CCDC42: variants seen among roughly 807,000 people sequenced by gnomAD.
CCDC42 encodes coiled-coil domain containing 42, also known as coiled-coil domain-containing protein 42.
CCDC42 carries 38 observed loss-of-function variants against 40.8 expected under a neutral mutation model. The ratio of observed to expected loss-of-function variants is 0.93; its 90% CI spans 0.72 to 1.22. CCDC42 has a LOEUF of 1.22. Among genes scored for constraint, CCDC42 ranks in the 50% most tolerant of loss-of-function variants. CCDC42 has a pLI of 0.00. For missense variants in CCDC42, 379 were observed against 416.5 expected, an observed-to-expected ratio of 0.91 and a Z score of 0.78; for synonymous variants, 135 against 157.5, an observed-to-expected ratio of 0.86 and a Z score of 1.07.
intron 4 of CCDC42, 22 bp downstream of exon 4, chr17:8,741,452 C>T: frequency 1.2e-6 from 2 of 1,607,366 alleles, no homozygotes; most frequent in Non-Finnish European, 1.7e-6. Flanking sequence ...CCAGGGCCGG[C>T]CCCCCTGCTC....
chr17:8,738,108 G>A (rs1305609482), intron 4 of CCDC42, among the ~76,000 whole-genome samples: 56 of 152,174 alleles, frequency 3.7e-4, no homozygotes, highest in Admixed American at 3.7e-3. Context: ...TTACAGGCAT[G>A]AGCCACCACG....
In CCDC42 at chr17:8,735,538, G is replaced by A. The variant is rs1448085997; in HGVS notation, c.566C>T (p.Ala189Val). 3 of 1,613,924 alleles carry A rather than the reference G, an allele frequency of 1.9e-6. No homozygotes were observed. Among genetic ancestry groups the A allele is most frequent in the East Asian group, 2.2e-5 (1 of 44,884 alleles). ...CTCAATCTTCTCCTGGCCTTCCTGC[G>A]CAGACTGCATGAGGTCGTGGCGCAT... is the stretch of plus-strand genomic sequence containing the variant. ...VSMRHDLMQS[A>V]QEGQEKIERA... Residue 189 changes from alanine to valine, a missense_variant, in exon 5 of 7, where the codon GCG becomes GTG. Coordinates refer to ENST00000293845, the MANE Select transcript of CCDC42 (RefSeq NM_144681.3). This position sits in a 1 kb window ranked among gnomAD's most constrained non-coding sequence, Gnocchi z 4.7.
intron 4 of CCDC42, among the ~76,000 whole-genome samples, chr17:8,739,327 G>C (rs2086628407): frequency 6.6e-6 from 1 of 152,204 alleles, no homozygotes; most frequent in Non-Finnish European, 1.5e-5. Context: ...GTTCTGGCGG[G>C]GCTGTGAGTG....
At position 8,735,115 on chromosome 17, in the gene CCDC42, G is replaced by C. The variant is rs762914315; in HGVS notation, c.854C>G (p.Thr285Ser). The C allele has an allele frequency of 6.2e-7, 1 of 1,614,042 alleles. No individual in the cohort carries two copies. The change falls in exon 6 of 7, where the codon ACC becomes AGC. Residue 285 changes from threonine to serine, a missense_variant. Thr to Ser is a moderately conservative substitution (Grantham distance 58). Transcript: ENST00000293845. This position sits in a 1 kb window ranked among gnomAD's most constrained non-coding sequence, Gnocchi z 4.7. ...KEVTEVALED[T>S]HKQLDMIQQF... ...TCCTACCATGTCCAGCTGCTTGTGGGTGTCCTCCAGTGCCACCTCAGTCAC... is the reference window on the plus strand; with the variant it reads ...TCCTACCATGTCCAGCTGCTTGTGGCTGTCCTCCAGTGCCACCTCAGTCAC...
At chr17:8,741,412 C>T (rs1476456477) in intron 4 of CCDC42, 62 bp downstream of exon 4, 13 of 1,510,868 alleles carry the variant, frequency 8.6e-6, no homozygotes, top group Admixed American at 8.4e-5. Context: ...CCCCAGGCCC[C>T]GGGGAAGAGA....
intron 6 of CCDC42, among the ~76,000 whole-genome samples, chr17:8,730,475 G>T (rs1382596167): frequency 6.6e-6 from 1 of 152,188 alleles, no homozygotes; most frequent in Non-Finnish European, 1.5e-5. Context: ...GAGTGGCTGG[G>T]ATTACAGGTA....
chr17:8,740,550 A>G (rs951333187), intron 4 of CCDC42, among the ~76,000 whole-genome samples: 3 of 151,690 alleles, frequency 2.0e-5, no homozygotes, highest in African/African-American at 4.8e-5. Flanking sequence ...CCCACCACAC[A>G]AGAAGGAGCT....
chr17:8,744,161 G>A lies in CCDC42; in HGVS notation c.107C>T (p.Ala36Val), dbSNP rs143164438. 3.3e-5 allele frequency: 53 copies of A among 1,613,472 alleles called. No homozygotes were observed. Among genetic ancestry groups the A allele is most frequent in the Middle Eastern group, 3.3e-4 (2 of 6,084 alleles). Residue 36 changes from alanine (A) to valine (V), a missense_variant, in exon 2 of 7, where the codon GCG becomes GTG. Physicochemically the swap from Ala to Val is moderately conservative, Grantham distance 64. Transcript: ENST00000293845. ...TAGCCAGATGGATGGGGACTCCGAC[G>A]CCCCCTCAACATTGGGGAGTTTCCT... ...MLQKLPNVEGASESPSIWLLE... is the reference protein window; with the variant it reads ...MLQKLPNVEGVSESPSIWLLE...
rs145016058 is a variant in CCDC42, at chr17:8,743,679, C to A, written c.241G>T (p.Val81Phe). ...TLNLRWEELG[V>F]KEAQLKAHIQ... is the part of the protein sequence containing the mutation. ...TGAGCCTTCAGTTGGGCTTCCTTAA[C>A]GCCCAGTTCCTCCCAGCGCAGGTTC... Residue 81 changes from valine (V) to phenylalanine (F), a missense_variant, in exon 3 of 7, where the codon GTT (valine) becomes TTT (phenylalanine). By Grantham distance (50) the Val-to-Phe change is conservative (BLOSUM62 -1). Coordinates refer to ENST00000293845, the MANE Select transcript of CCDC42 (RefSeq NM_144681.3). 6.2e-7 allele frequency: 1 copy of A among 1,613,012 alleles called. No individual in the cohort carries two copies. Among genetic ancestry groups the A allele is most frequent in the Admixed American group, 1.7e-5 (1 of 60,018 alleles).
chr17:8,735,515 C>G lies in CCDC42; in HGVS notation c.589G>C (p.Glu197Gln). 6.2e-7 allele frequency: 1 copy of G among 1,614,120 alleles called. No homozygotes were observed. Among genetic ancestry groups the G allele is most frequent in the Non-Finnish European group, 8.5e-7 (1 of 1,180,046 alleles). Residue 197 changes from glutamate to glutamine, a missense_variant, in exon 5 of 7, where the codon GAG becomes CAG. Transcript: ENST00000293845. This position sits in a 1 kb window ranked among gnomAD's most constrained non-coding sequence, Gnocchi z 4.7. ...CGCGCCAGCCGGGCCTTGGCGCGCT[C>G]AATCTTCTCCTGGCCTTCCTGCGCA... ...QSAQEGQEKI[E>Q]RAKARLARYM...
At chr17:8,739,744 T>C (rs2086630585) in intron 4 of CCDC42, among the ~76,000 whole-genome samples, 1 of 152,186 alleles carries the variant, frequency 6.6e-6, no homozygotes, top group South Asian at 2.1e-4. Context: ...GGTTTCACCA[T>C]GTTGGCCACA....
At chr17:8,740,824 G>A (rs796682567) in intron 4 of CCDC42, among the ~76,000 whole-genome samples, 11 of 152,268 alleles carry the variant, frequency 7.2e-5, no homozygotes, top group African/African-American at 2.4e-4. Flanking sequence ...GACGAGCTGC[G>A]AGACTCTGAA....
Position 8,735,141 on chromosome 17 carries a change from C to T in CCDC42, c.828G>A (p.Glu276=). 1.9e-6 allele frequency: 3 copies of T among 1,614,212 alleles called. No homozygotes were observed. Among genetic ancestry groups the T allele is most frequent in the Non-Finnish European group, 2.5e-6 (3 of 1,180,034 alleles). ...TGTCCTCCAGTGCCACCTCAGTCAC[C>T]TCCTTCAGGTGCTTGCTCACGATCT... ...LFQIVSKHLK[E]VTEVALEDTH... The change falls in exon 6 of 7, where the codon GAG becomes GAA. Residue 276 remains glutamate (E), a synonymous_variant. Coordinates refer to ENST00000293845, the MANE Select transcript of CCDC42 (RefSeq NM_144681.3). The surrounding 1 kb of genome is among the most constrained non-coding windows in gnomAD (Gnocchi z 4.7).
In CCDC42 at chr17:8,735,722, G is replaced by T; in HGVS notation, c.493-111C>A. 1 of 878,940 alleles carries T rather than the reference G, an allele frequency of 1.1e-6. No individual in the cohort carries two copies. Among genetic ancestry groups the T allele is most frequent in the Non-Finnish European group, 1.7e-6 (1 of 581,716 alleles). The allele number at this position is 878,940 out of a possible 1,614,324, so 54.4% of individuals were successfully genotyped here. A position where few individuals can be genotyped will look rare whatever the true frequency, so the allele number is the denominator to read the frequency against. ...CCTGGACACCTGGACACCTGGGCAG[G>T]CAGGCCCTTGGCCAGGGTCACGGCC... On this transcript the variant is annotated intron_variant, in intron 4 of 6. Transcript: ENST00000293845. The surrounding 1 kb of genome is among the most constrained non-coding windows in gnomAD (Gnocchi z 4.7).
At chr17:8,739,166 C>T (rs1248802523) in intron 4 of CCDC42, among the ~76,000 whole-genome samples, 3 of 151,692 alleles carry the variant, frequency 2.0e-5, no homozygotes, top group Non-Finnish European at 2.9e-5. Context: ...GGAACGACGC[C>T]AGAGTTGAAC....
intron 4 of CCDC42, 36 bp downstream of exon 4, chr17:8,741,438 G>T: frequency 6.3e-7 from 1 of 1,594,224 alleles, no homozygotes; most frequent in South Asian, 1.1e-5. Context: ...GGCTGAGGAA[G>T]GTGCCAGGGC....
chr17:8,744,718 G>GGCCT lies in CCDC42; in HGVS notation c.-113_-110dup. 1.3e-6 allele frequency: 1 copy of GGCCT among 742,914 alleles called. No homozygotes were observed. The highest frequency in any genetic ancestry group is 2.4e-6 in the Non-Finnish European group (1 of 423,814). The allele number at this position is 742,914 out of a possible 1,614,324, so 46.0% of individuals were successfully genotyped here. A position where few individuals can be genotyped will look rare whatever the true frequency, so the allele number is the denominator to read the frequency against. The stretch of plus-strand genomic sequence containing the variant: ...TGGCTGCACTCTTGTTTCTCCCTTC[G>GGCCT]GCCTACAGGGTCCCACAGATGATGG... On this transcript the variant is annotated 5_prime_UTR_variant, in exon 1 of 7. Coordinates refer to ENST00000293845, the MANE Select transcript of CCDC42 (RefSeq NM_144681.3).
At chr17:8,740,559 C>G (rs1279999520) in intron 4 of CCDC42, among the ~76,000 whole-genome samples, 3 of 150,484 alleles carry the variant, frequency 2.0e-5, no homozygotes, top group Admixed American at 1.3e-4. Context: ...CAAGAAGGAG[C>G]TGGGAAGAGG....
At chr17:8,744,245 G>T in intron 1 of CCDC42, 61 bp from the exon 2 acceptor site, 2 of 1,314,156 alleles carry the variant, frequency 1.5e-6, no homozygotes, top group South Asian at 1.3e-5. Flanking sequence ...CTGGGGCTGG[G>T]AGTAACCCGT....
Sources: allele counts gnomAD v4.1 joint callset (sites outside exome capture counted in the v4.1 genomes callset), GRCh38; gene constraint gnomAD v4.1.1; non-coding constraint Gnocchi (gnomAD v3.1); transcripts MANE v1.5; gene names NCBI Gene and HGNC (gene_info 2026-07-23, HGNC 2026-07-21).